The following NRP1 variants were observed in gnomAD, a reference collection of about 807,000 sequenced individuals.
NRP1 encodes neuropilin-1.
In NRP1, 35 loss-of-function variants were observed where a neutral mutation model predicts 106.7. The observed-to-expected ratio is 0.33, with a 90% confidence interval of 0.25 to 0.43. The LOEUF (loss-of-function observed/expected upper bound fraction) is 0.43, where lower values mean the gene tolerates loss of function less well. NRP1 is among the 20% of genes least tolerant of loss of function. The probability of loss-of-function intolerance (pLI) is 1.00; values close to 1 mark genes in which losing one functional copy is unlikely to be tolerated. For synonymous variants in NRP1, 437 were observed against 417.9 expected, an observed-to-expected ratio of 1.05 and a Z score of -0.56; for missense variants, 1,024 against 1,170.4, an observed-to-expected ratio of 0.87 and a Z score of 1.83.
chr10:33,329,978 T>C (rs17296499), intron 2 of NRP1, among the ~76,000 whole-genome samples: 1,935 of 152,288 alleles, frequency 0.013, 16 homozygotes, highest in Non-Finnish European at 0.02. Context: ...GTCTTCATAA[T>C]AACGAAATTG....
intron 2 of NRP1, among the ~76,000 whole-genome samples, chr10:33,327,308 T>G (rs1847958632): frequency 6.6e-6 from 1 of 152,190 alleles, no homozygotes; most frequent in Non-Finnish European, 1.5e-5. Flanking sequence ...CTTTTACCTT[T>G]TAAAAAGGCT....
chr10:33,226,842 C>T (rs1394837257), intron 6 of NRP1, among the ~76,000 whole-genome samples: 1 of 152,152 alleles, frequency 6.6e-6, no homozygotes, highest in Non-Finnish European at 1.5e-5. Flanking sequence ...TTTCAGATGT[C>T]CCACCTTTCT....
At chr10:33,253,659 A>C (rs1229931379) in intron 6 of NRP1, among the ~76,000 whole-genome samples, 2 of 152,248 alleles carry the variant, frequency 1.3e-5, no homozygotes, top group African/African-American at 4.8e-5. Flanking sequence ...AAACATGTCA[A>C]AATAGGAAGC....
At chr10:33,197,561 G>T in intron 12 of NRP1, 89 bp downstream of exon 12, 2 of 990,728 alleles carry the variant, frequency 2.0e-6, no homozygotes, top group South Asian at 1.7e-5. Flanking sequence ...CTCCTTCTAG[G>T]ACTTTCAGAG....
At chr10:33,280,708 G>T (rs746800312) in intron 2 of NRP1, among the ~76,000 whole-genome samples, 1 of 151,940 alleles carries the variant, frequency 6.6e-6, no homozygotes, top group East Asian at 1.9e-4. Flanking sequence ...TCCAACAGGC[G>T]CTGTGGCTCA....
chr10:33,185,233 C>G (rs1332894176), intron 15 of NRP1, among the ~76,000 whole-genome samples: 1 of 152,178 alleles, frequency 6.6e-6, no homozygotes. Context: ...TTATTCTGAT[C>G]AAAGTTTTCA....
chr10:33,309,359 A>G (rs192200705), intron 2 of NRP1, among the ~76,000 whole-genome samples: 3 of 152,342 alleles, frequency 2.0e-5, no homozygotes, highest in Admixed American at 2.0e-4. Context: ...ATACATTTTT[A>G]TCACCGTAGA....
At chr10:33,257,817 CT>C (rs1055760205) in intron 4 of NRP1, among the ~76,000 whole-genome samples, 94 of 149,106 alleles carry the variant, frequency 6.3e-4, no homozygotes, top group African/African-American at 1.9e-3. Context: ...AAAAAAGTCC[CT>C]TTTTTTTTTC....
rs541370823 is a variant in NRP1 at position 33,178,799 on chromosome 10, A to G, written c.*1277T>C. On this transcript the variant is annotated 3_prime_UTR_variant, in exon 17 of 17. Transcript: ENST00000374867. ...TATCAAAGGTCATTTTGAATAGAAT[A>G]GATAAGGAAAAAAGATACTGTCACT... The G allele has an allele frequency of 6.5e-6, 1 of 152,804 alleles. No individual in the cohort carries two copies. Among genetic ancestry groups the G allele is most frequent in the South Asian group, 2.1e-4 (1 of 4,830 alleles). 9.5% of individuals were successfully genotyped at this position (152,804 alleles called of 1,614,324 possible).
At chr10:33,267,685 G>A (rs10763920) in intron 3 of NRP1, among the ~76,000 whole-genome samples, 1 of 151,824 alleles carries the variant, frequency 6.6e-6, no homozygotes, top group Admixed American at 6.6e-5. Flanking sequence ...TGGGAACAGA[G>A]ATCAGTGGGG....
intron 8 of NRP1, among the ~76,000 whole-genome samples, chr10:33,216,140 C>CTTTT (rs71521489): frequency 7.9e-5 from 11 of 139,024 alleles, no homozygotes; most frequent in African/African-American, 7.9e-5. Flanking sequence ...TTCTTTCTTT[C>CTTTT]TTTTTTTTTT....
At chr10:33,224,070 T>A (rs1839465267) in intron 7 of NRP1, among the ~76,000 whole-genome samples, 1 of 152,200 alleles carries the variant, frequency 6.6e-6, no homozygotes, top group Non-Finnish European at 1.5e-5. Context: ...GGGGAGTGGC[T>A]GAAAGCCCCT....
intron 2 of NRP1, among the ~76,000 whole-genome samples, chr10:33,318,563 A>G (rs1156798288): frequency 6.6e-6 from 1 of 152,110 alleles, no homozygotes; most frequent in Middle Eastern, 3.2e-3. Flanking sequence ...CCCAGACACG[A>G]GCAAAGAAAT....
chr10:33,285,590 G>C (rs1844466235), intron 2 of NRP1, among the ~76,000 whole-genome samples: 1 of 152,122 alleles, frequency 6.6e-6, no homozygotes, highest in Admixed American at 6.6e-5. Context: ...CAGCACTTTG[G>C]GAGCTGAGGT....
chr10:33,224,383 GA>G (rs1839492344), intron 7 of NRP1, among the ~76,000 whole-genome samples: 2 of 152,028 alleles, frequency 1.3e-5, no homozygotes, highest in Non-Finnish European at 2.9e-5. Context: ...ACATGTTGGT[GA>G]AATAGCCCGT....
At chr10:33,254,993 C>G (rs1361609225) in intron 5 of NRP1, among the ~76,000 whole-genome samples, 1 of 152,114 alleles carries the variant, frequency 6.6e-6, no homozygotes, top group Non-Finnish European at 1.5e-5. Context: ...GGCCTAACAT[C>G]CTCAGTTTGA....
intron 6 of NRP1, among the ~76,000 whole-genome samples, chr10:33,247,508 C>A (rs1841510916): frequency 1.3e-5 from 2 of 152,186 alleles, no homozygotes; most frequent in South Asian, 4.1e-4. Context: ...CCTTGGAGGA[C>A]TGAAGGAAGG....
intron 2 of NRP1, among the ~76,000 whole-genome samples, chr10:33,322,032 C>T (rs551448818): frequency 2.0e-5 from 3 of 152,266 alleles, no homozygotes; most frequent in East Asian, 1.9e-4. Flanking sequence ...ACAGAGCCAC[C>T]GTGGCAAATG....
intron 4 of NRP1, among the ~76,000 whole-genome samples, chr10:33,262,462 G>A (rs149161168): frequency 0.029 from 4,461 of 152,124 alleles, 103 homozygotes; most frequent in Non-Finnish European, 0.05. Flanking sequence ...CAGCACTTTG[G>A]GAGGCTGAGG....
Sources: allele counts gnomAD v4.1 joint callset (sites outside exome capture counted in the v4.1 genomes callset), GRCh38; gene constraint gnomAD v4.1.1; transcripts MANE v1.5; gene names NCBI Gene and HGNC (gene_info 2026-07-23, HGNC 2026-07-21).